The following TNIP1 variants were observed in gnomAD, a reference collection of about 807,000 sequenced individuals.
The protein encoded by TNIP1 is TNFAIP3-interacting protein 1.
TNIP1 carries 22 observed loss-of-function variants against 86.6 expected under a neutral mutation model. That is an observed-to-expected ratio of 0.25 (90% CI 0.18 to 0.36). The LOEUF (loss-of-function observed/expected upper bound fraction) is 0.36. Among genes scored for constraint, TNIP1 ranks in the 10% least tolerant of loss-of-function variants. The pLI, the probability that TNIP1 is intolerant of heterozygous loss-of-function variation, is 1.00. For synonymous variants in TNIP1, 294 were observed against 313.0 expected (o/e 0.94, Z 0.64); for missense variants, 709 against 820.6 (o/e 0.86, Z 1.66).
At chr5:151,086,928 G>A (rs1764300044) in intron 1 of TNIP1, among the ~76,000 whole-genome samples, 1 of 152,244 alleles carries the variant, frequency 6.6e-6, no homozygotes, top group South Asian at 2.1e-4. Context: ...TGGGTGGGAA[G>A]AGCAAGCTAG....
chr5:151,036,722 C>G, intron 13 of TNIP1, 68 bp downstream of exon 13: 1 of 1,610,494 alleles, frequency 6.2e-7, no homozygotes, highest in Non-Finnish European at 8.5e-7. Flanking sequence ...TCCAAGCCGT[C>G]TGGGCCCTCA....
intron 10 of TNIP1, 68 bp from the exon 11 acceptor site, chr5:151,042,739 C>T: frequency 6.2e-7 from 1 of 1,601,370 alleles, no homozygotes; most frequent in Non-Finnish European, 8.5e-7. Context: ...GTGGGCAGGG[C>T]CTGGCTGCCC....
rs1310627254 is a variant in TNIP1 at position 151,060,331 on chromosome 5, T to C, written c.422A>G (p.His141Arg). 3.1e-6 allele frequency: 5 copies of C among 1,614,014 alleles called. No homozygotes were observed. The South Asian group carries it at 4.4e-5, about 14-fold the overall frequency. The change falls in exon 5 of 18, where the codon CAT (histidine) becomes CGT (arginine). Residue 141 changes from histidine (H) to arginine (R), a missense_variant. His to Arg is a conservative substitution (Grantham distance 29). Coordinates refer to ENST00000521591, the MANE Select transcript of TNIP1 (RefSeq NM_006058.5). ...CCGTCCACTCACCATCGCATTGGCA[T>C]GGCTGCTGCTCTCTGGTGAATTCTG... ...EEQNSPESSS[H>R]ANAMALGPLP...
At position 151,042,441 on chromosome 5, in the gene TNIP1, C is replaced by A. The variant is rs1014156916; in HGVS notation, c.1134+99G>T. 7 of 1,513,992 alleles carry A rather than the reference C, an allele frequency of 4.6e-6. No individual in the cohort carries two copies. In the Admixed American group the frequency reaches 5.4e-5, roughly 12 times the overall value. The allele number at this position is 1,513,992 out of a possible 1,614,324, so 93.8% of individuals were successfully genotyped here. A position where few individuals can be genotyped will look rare whatever the true frequency, so the allele number is the denominator to read the frequency against. On this transcript the variant is annotated intron_variant, in intron 11 of 17. Transcript: ENST00000521591. ...CACCTAGCTCTTTCGCACTAGACCC[C>A]CGGGTCTCCTGACTCCTGCCCCTGG...
At chr5:151,035,751 AG>A (rs1395546503) in intron 13 of TNIP1, 44 bp from the exon 14 acceptor site, 1 of 1,609,058 alleles carries the variant, frequency 6.2e-7, no homozygotes, top group African/African-American at 1.3e-5. Flanking sequence ...GATGGTCCTG[AG>A]TGGGGATTTC....
At chr5:151,079,284 T>G (rs1763733767) in intron 1 of TNIP1, among the ~76,000 whole-genome samples, 1 of 152,162 alleles carries the variant, frequency 6.6e-6, no homozygotes. Context: ...AGCCTTAACC[T>G]TCTCTGGGCC....
chr5:151,037,389 C>T (rs2113325388), intron 12 of TNIP1: 1 of 152,954 alleles, frequency 6.5e-6, no homozygotes, highest in South Asian at 2.1e-4. Flanking sequence ...TCAGTCTCCC[C>T]AACAACTGCC....
chr5:151,047,163 TA>T (rs1287041623), intron 8 of TNIP1, among the ~76,000 whole-genome samples: 1 of 152,182 alleles, frequency 6.6e-6, no homozygotes, highest in African/African-American at 2.4e-5. Flanking sequence ...TTAACAGTAG[TA>T]AAACACTGAC....
At chr5:151,069,052 CCAGA>C (rs1454654689) in intron 1 of TNIP1, among the ~76,000 whole-genome samples, 1 of 152,196 alleles carries the variant, frequency 6.6e-6, no homozygotes, top group African/African-American at 2.4e-5. Context: ...AGAAAGGGGC[CCAGA>C]CAGACGGCAG....
intron 8 of TNIP1, among the ~76,000 whole-genome samples, chr5:151,048,689 C>CA (rs1759499962): frequency 6.6e-6 from 1 of 152,182 alleles, no homozygotes; most frequent in African/African-American, 2.4e-5. Flanking sequence ...GGGAATTCCA[C>CA]ACCTGAGGCA....
intron 9 of TNIP1, 77 bp downstream of exon 9, chr5:151,045,784 G>T: frequency 6.8e-7 from 1 of 1,470,230 alleles, no homozygotes; most frequent in Non-Finnish European, 9.5e-7. Context: ...AGAGCCAGGA[G>T]GCCAGGGCAA....
chr5:151,073,738 A>C (rs1488637718), intron 1 of TNIP1, among the ~76,000 whole-genome samples: 1 of 152,164 alleles, frequency 6.6e-6, no homozygotes, highest in Non-Finnish European at 1.5e-5. Flanking sequence ...TATTAAAAAA[A>C]AACTTTTTTA....
chr5:151,067,427 T>C (rs1762364657), intron 1 of TNIP1, among the ~76,000 whole-genome samples: 1 of 152,226 alleles, frequency 6.6e-6, no homozygotes, highest in African/African-American at 2.4e-5. Context: ...TTTGTATTCC[T>C]GTCGGGAGCA....
At chr5:151,079,344 C>G (rs1395114006) in intron 1 of TNIP1, among the ~76,000 whole-genome samples, 2 of 152,182 alleles carry the variant, frequency 1.3e-5, no homozygotes, top group African/African-American at 4.8e-5. Context: ...TTAAGTGAGG[C>G]CGGGCGGGGC....
chr5:151,078,406 G>A (rs955644503), intron 1 of TNIP1: 8 of 152,314 alleles, frequency 5.3e-5, no homozygotes, highest in South Asian at 2.1e-4. Flanking sequence ...AAATACACTC[G>A]AGAGGACTAA....
intron 1 of TNIP1, among the ~76,000 whole-genome samples, chr5:151,069,790 A>G (rs1429081313): frequency 6.6e-6 from 1 of 152,204 alleles, no homozygotes; most frequent in Admixed American, 6.5e-5. Flanking sequence ...TCTGCTGTGT[A>G]TGGAACCATG....
upstream of TNIP1, chr5:151,081,036 C>G (rs1763977947): frequency 6.6e-6 from 1 of 152,130 alleles, no homozygotes; most frequent in Non-Finnish European, 1.5e-5. Flanking sequence ...CGAGGAAGTG[C>G]CGGGGGCCTG....
In TNIP1 at chr5:151,057,069, C is replaced by G. The variant is rs377613322; in HGVS notation, c.436-112G>C. 2.7e-6 allele frequency: 3 copies of G among 1,104,508 alleles called. No homozygotes were observed. In the African/African-American group the frequency reaches 5.0e-5, roughly 18 times the overall value. The allele number at this position is 1,104,508 out of a possible 1,614,324, so 68.4% of individuals were successfully genotyped here. On this transcript the variant is annotated intron_variant, in intron 5 of 17. Transcript: ENST00000521591. Reference sequence around the variant, plus strand: ...TCATGACTCAGTTTCCCCCTGTGACCCCAGCTCAGCCCCGGGAAATTCTCC... The same window carrying G: ...TCATGACTCAGTTTCCCCCTGTGACGCCAGCTCAGCCCCGGGAAATTCTCC...
In TNIP1 at chr5:151,063,506, G is replaced by A. The variant is rs571545783; in HGVS notation, c.271+107C>T. The A allele has an allele frequency of 1.2e-4, 177 of 1,496,190 alleles. 2 individuals carry two copies. The Middle Eastern group carries it at 4.6e-3, about 39-fold the overall frequency. The allele number at this position is 1,496,190 out of a possible 1,614,324, so 92.7% of individuals were successfully genotyped here. A position where few individuals can be genotyped will look rare whatever the true frequency, so the allele number is the denominator to read the frequency against. On this transcript the variant is annotated intron_variant, in intron 3 of 17. Transcript: ENST00000521591. Reference sequence around the variant, plus strand: ...ATGGAAGGGTAGCCTGTGACCTAAGGATAAACGAGAGAATGTGGGTTTTGG... The same window carrying A: ...ATGGAAGGGTAGCCTGTGACCTAAGAATAAACGAGAGAATGTGGGTTTTGG...
Sources: allele counts gnomAD v4.1 joint callset (sites outside exome capture counted in the v4.1 genomes callset), GRCh38; gene constraint gnomAD v4.1.1; transcripts MANE v1.5; gene names NCBI Gene and HGNC (gene_info 2026-07-23, HGNC 2026-07-21).